SLC71A1: variants seen among roughly 807,000 people sequenced by gnomAD.
SLC71A1 encodes the protein hippocampus abundant gene transcript 1.
chr1:100,061,818 T>A, the SLC71A1 span: 9 of 1,466,116 alleles, frequency 6.1e-6, no homozygotes, highest in South Asian at 1.0e-4. Flanking sequence ...CCATTTCTTG[T>A]TATCTTTCAT....
chr1:100,042,093 A>G, the SLC71A1 span, among the ~76,000 whole-genome samples: 2 of 152,206 alleles, frequency 1.3e-5, no homozygotes, highest in Non-Finnish European at 2.9e-5. Context: ...GTTAGAGGCT[A>G]AGAGCTAAAG....
chr1:100,073,265 G>A, the SLC71A1 span, among the ~76,000 whole-genome samples: 2 of 152,142 alleles, frequency 1.3e-5, no homozygotes, highest in Admixed American at 6.5e-5. Flanking sequence ...CTTCCATCTT[G>A]CCTCACTATA....
chr1:100,068,012 T>TC, the SLC71A1 span: 1 of 1,614,202 alleles, frequency 6.2e-7, no homozygotes, highest in Non-Finnish European at 8.5e-7. Context: ...TAGTCACCAG[T>TC]CCTGCAATTG....
the SLC71A1 span, among the ~76,000 whole-genome samples, chr1:100,069,126 A>G: frequency 6.6e-6 from 1 of 152,202 alleles, no homozygotes; most frequent in Non-Finnish European, 1.5e-5. Flanking sequence ...AGGGAGAAAG[A>G]TAGTTTTCCC....
the SLC71A1 span, among the ~76,000 whole-genome samples, chr1:100,056,043 G>A: frequency 6.6e-6 from 1 of 152,114 alleles, no homozygotes; most frequent in African/African-American, 2.4e-5. Context: ...GAGCCACCAC[G>A]CCTGGCCAAA....
the SLC71A1 span, among the ~76,000 whole-genome samples, chr1:100,070,479 A>G: frequency 2.6e-5 from 4 of 152,074 alleles, no homozygotes; most frequent in Admixed American, 2.0e-4. Context: ...GTAAGATAGG[A>G]AGTCATTGGT....
At chr1:100,077,146 CTTTTT>C in the SLC71A1 span, 11 of 884,162 alleles carry the variant, frequency 1.2e-5, no homozygotes, top group Admixed American at 2.7e-5. Flanking sequence ...TCTGATAAAT[CTTTTT>C]TTTTTTTTTT....
At chr1:100,062,196 AC>A in the SLC71A1 span, 2 of 338,006 alleles carry the variant, frequency 5.9e-6, no homozygotes, top group South Asian at 6.7e-5. Flanking sequence ...AGTATATTTT[AC>A]CTTGTAGAGT....
chr1:100,063,758 T>G, the SLC71A1 span, among the ~76,000 whole-genome samples: 3 of 152,126 alleles, frequency 2.0e-5, no homozygotes, highest in Non-Finnish European at 4.4e-5. Flanking sequence ...ATCGCACCAC[T>G]GCGCTCCAAC....
the SLC71A1 span, chr1:100,049,838 T>C: frequency 9.0e-5 from 68 of 753,778 alleles, no homozygotes; most frequent in East Asian, 1.8e-3. Context: ...TTAACATCGT[T>C]GTTATTGTTA....
At chr1:100,080,517 C>T in the SLC71A1 span, 1 of 1,613,378 alleles carries the variant, frequency 6.2e-7, no homozygotes, top group Non-Finnish European at 8.5e-7. Context: ...GGAATGATAA[C>T]AGGAATTCGA....
At chr1:100,072,271 C>G in the SLC71A1 span, among the ~76,000 whole-genome samples, 149 of 152,320 alleles carry the variant, frequency 9.8e-4, no homozygotes, top group South Asian at 1.9e-3. Context: ...TAATAGCTCT[C>G]CATTAATGCA....
the SLC71A1 span, among the ~76,000 whole-genome samples, chr1:100,038,661 G>GTCGCCGCAGCCTCGCCTCGCCT: frequency 6.6e-6 from 1 of 152,076 alleles, no homozygotes; most frequent in Admixed American, 6.6e-5. Flanking sequence ...CGCGCCCCTC[G>GTCGCCGCAGCCTCGCCTCGCCT]TCGCCGCAGC....
chr1:100,054,496 C>T, the SLC71A1 span, among the ~76,000 whole-genome samples: 1 of 152,102 alleles, frequency 6.6e-6, no homozygotes, highest in African/African-American at 2.4e-5. Flanking sequence ...CAGGCGTGAG[C>T]CACTGTTCCT....
chr1:100,050,175 T>A, the SLC71A1 span, among the ~76,000 whole-genome samples: 1 of 152,080 alleles, frequency 6.6e-6, no homozygotes, highest in African/African-American at 2.4e-5. Context: ...CTCCCTTACC[T>A]TTTTTTGGGA....
chr1:100,045,813 A>AAAATAAAT, the SLC71A1 span, among the ~76,000 whole-genome samples: 1,324 of 151,350 alleles, frequency 8.7e-3, 9 homozygotes, highest in Non-Finnish European at 0.012. Flanking sequence ...ACTCTGTCTC[A>AAAATAAAT]AAATAAATAA....
the SLC71A1 span, among the ~76,000 whole-genome samples, chr1:100,050,872 G>A: frequency 6.6e-6 from 1 of 152,020 alleles, no homozygotes; most frequent in Non-Finnish European, 1.5e-5. Flanking sequence ...GATCGCTTGA[G>A]CTCTGGAGTT....
chr1:100,045,325 A>G, the SLC71A1 span, among the ~76,000 whole-genome samples: 46 of 152,162 alleles, frequency 3.0e-4, 1 homozygote, highest in South Asian at 8.9e-3. Context: ...TAGCAGTGCT[A>G]TTGATTTGTG....
chr1:100,044,229 A>G, the SLC71A1 span, among the ~76,000 whole-genome samples: 9 of 152,150 alleles, frequency 5.9e-5, no homozygotes, highest in African/African-American at 1.9e-4. Context: ...TTTGATTTTT[A>G]AATTATGGCC....
Sources: allele counts gnomAD v4.1 joint callset (sites outside exome capture counted in the v4.1 genomes callset), GRCh38; gene constraint gnomAD v4.1.1; transcripts MANE v1.5; gene names NCBI Gene and HGNC (gene_info 2026-07-23, HGNC 2026-07-21).